ARHGEF9: variants seen among roughly 807,000 people sequenced by gnomAD.
ARHGEF9 encodes the protein Cdc42 guanine nucleotide exchange factor 9, also known as rho guanine nucleotide exchange factor 9.
ARHGEF9 carries 2 observed loss-of-function variants against 41.3 expected under a neutral mutation model. The ratio of observed to expected loss-of-function variants is 0.05; its 90% CI spans 0.02 to 0.15. The LOEUF (loss-of-function observed/expected upper bound fraction) is 0.15, where lower values mean the gene tolerates loss of function less well. Ranked by LOEUF, ARHGEF9 falls within the 10% of genes least tolerant of loss-of-function variation. The pLI, the probability that ARHGEF9 is intolerant of heterozygous loss-of-function variation, is 1.00. For synonymous variants in ARHGEF9, 160 were observed against 154.4 expected (o/e 1.04, Z -0.27); for missense variants, 225 against 424.7 (o/e 0.53, Z 4.13).
intron 1 of ARHGEF9, among the ~76,000 whole-genome samples, chrX:63,742,215 T>C (rs1376157463): frequency 1.8e-5 from 2 of 111,863 alleles, no homozygotes; most frequent in East Asian, 5.6e-4. Context: ...CTAGAGAGAA[T>C]AGGCAAAGAT....
At chrX:63,742,387 C>T (rs1487739098) in intron 1 of ARHGEF9, among the ~76,000 whole-genome samples, 10 of 111,073 alleles carry the variant, frequency 9.0e-5, no homozygotes, top group Non-Finnish European at 1.9e-4. Flanking sequence ...TTGCTCCCCC[C>T]AACACCACAA....
intron 1 of ARHGEF9, among the ~76,000 whole-genome samples, chrX:63,781,491 C>T (rs2089340163): frequency 8.9e-6 from 1 of 111,780 alleles, no homozygotes; most frequent in African/African-American, 3.3e-5. Flanking sequence ...TGTATAGACC[C>T]ACTCTATGTT....
chrX:63,770,443 T>A (rs2056185408), intron 1 of ARHGEF9, among the ~76,000 whole-genome samples: 1 of 112,558 alleles, frequency 8.9e-6, no homozygotes, highest in Admixed American at 9.4e-5. Flanking sequence ...AGCTTGCTTT[T>A]AATTTTGCAG....
At chrX:63,751,469 AG>A (rs1556440842) in intron 1 of ARHGEF9, among the ~76,000 whole-genome samples, 1 of 112,064 alleles carries the variant, frequency 8.9e-6, no homozygotes, top group East Asian at 2.8e-4. Context: ...CCAAACCTTT[AG>A]GATTCACACA....
At chrX:63,734,543 G>T (rs1293261134) in intron 1 of ARHGEF9, among the ~76,000 whole-genome samples, 1 of 111,795 alleles carries the variant, frequency 8.9e-6, no homozygotes, top group Non-Finnish European at 1.9e-5. Context: ...TAATCTTTCT[G>T]GGACCAGAGA....
chrX:63,679,556 A>G (rs1410545516), intron 4 of ARHGEF9, among the ~76,000 whole-genome samples: 1 of 111,911 alleles, frequency 8.9e-6, no homozygotes, highest in Non-Finnish European at 1.9e-5. Context: ...TGATCAGGAC[A>G]GACTTATCCC....
intron 1 of ARHGEF9, among the ~76,000 whole-genome samples, chrX:63,746,067 G>C (rs1433898278): frequency 8.9e-6 from 1 of 112,241 alleles, no homozygotes; most frequent in African/African-American, 3.2e-5. Context: ...GAAGGGCCTT[G>C]ATCAAGATCT....
At chrX:63,778,611 T>C (rs782115158) in intron 1 of ARHGEF9, among the ~76,000 whole-genome samples, 1 of 112,388 alleles carries the variant, frequency 8.9e-6, no homozygotes, top group South Asian at 3.7e-4. Context: ...CTTTTCAACA[T>C]AAGTTCTAAT....
At chrX:63,646,379 T>C (rs1556314428) in intron 8 of ARHGEF9, among the ~76,000 whole-genome samples, 15 of 112,384 alleles carry the variant, frequency 1.3e-4, no homozygotes, top group Non-Finnish European at 1.9e-5. Context: ...CATTTAAGTC[T>C]TTAATCCATC....
chrX:63,678,248 G>A, intron 5 of ARHGEF9, 92 bp downstream of exon 5: 1 of 775,544 alleles, frequency 1.3e-6, no homozygotes, highest in Non-Finnish European at 1.9e-6. Context: ...GTTAACAGAA[G>A]CTCAGAAAGG....
chrX:63,751,917 C>G (rs1474338232), intron 1 of ARHGEF9, among the ~76,000 whole-genome samples: 18 of 110,077 alleles, frequency 1.6e-4, no homozygotes, highest in Admixed American at 1.6e-3. Flanking sequence ...TGCCAAAGGT[C>G]TGTCAGGCTC....
chrX:63,751,139 T>C (rs1556440512), intron 1 of ARHGEF9, among the ~76,000 whole-genome samples: 1 of 111,108 alleles, frequency 9.0e-6, no homozygotes, highest in East Asian at 2.8e-4. Flanking sequence ...GCTTATCCTC[T>C]ACTCAAAGGG....
intron 9 of ARHGEF9, chrX:63,638,562 C>T: frequency 2.8e-6 from 1 of 361,405 alleles, no homozygotes; most frequent in East Asian, 4.0e-5. Context: ...CATTCTTTGA[C>T]TACTCAGTTC....
At chrX:63,710,956 T>C (rs1365794915) in intron 2 of ARHGEF9, among the ~76,000 whole-genome samples, 3 of 111,566 alleles carry the variant, frequency 2.7e-5, no homozygotes, top group Non-Finnish European at 5.7e-5. Context: ...AAAAAACCTT[T>C]TATAATGAAT....
chrX:63,752,284 T>C (rs1396457569), intron 1 of ARHGEF9, among the ~76,000 whole-genome samples: 1 of 83,136 alleles, frequency 1.2e-5, no homozygotes, highest in Non-Finnish European at 2.1e-5. Flanking sequence ...CATCAAAAAA[T>C]GCCAATGTTA....
chrX:63,650,938 C>T (rs1420567375), intron 8 of ARHGEF9, among the ~76,000 whole-genome samples: 3 of 109,788 alleles, frequency 2.7e-5, no homozygotes, highest in Non-Finnish European at 5.7e-5. Flanking sequence ...AGATATATAG[C>T]ATTAAATTAA....
In ARHGEF9 at chrX:63,733,527, C is replaced by A. The variant is rs1270419028; in HGVS notation, c.31-8816G>T. On this transcript the variant is annotated intron_variant, in intron 1 of 9. Coordinates refer to ENST00000671741, the MANE Select transcript of ARHGEF9 (RefSeq NM_001353921.2). ...AGTTTCAATGTGGGTGTTGCTATTGCCCACAAGTAAATAATTTCATTTCTT... is the reference window on the plus strand; with the variant it reads ...AGTTTCAATGTGGGTGTTGCTATTGACCACAAGTAAATAATTTCATTTCTT... 3.1e-4 allele frequency among the ~76,000 whole-genome samples: 35 copies of A among 112,354 alleles called. 1 individual carries two copies. Among genetic ancestry groups the A allele is most frequent in the Admixed American group, 3.1e-3 (33 of 10,652 alleles).
chrX:63,722,400 G>C (rs1449864388), intron 2 of ARHGEF9, among the ~76,000 whole-genome samples: 1 of 103,585 alleles, frequency 9.7e-6, no homozygotes, highest in Non-Finnish European at 2.0e-5. Flanking sequence ...GGTTCTTCTT[G>C]TTGTTTTTTG....
At chrX:63,660,992 C>G (rs1319580261) in intron 7 of ARHGEF9, among the ~76,000 whole-genome samples, 1 of 111,980 alleles carries the variant, frequency 8.9e-6, no homozygotes, top group East Asian at 2.8e-4. Context: ...TCTCCCAAAG[C>G]CTCTTGAGAT....
Sources: allele counts gnomAD v4.1 joint callset (sites outside exome capture counted in the v4.1 genomes callset), GRCh38; gene constraint gnomAD v4.1.1; transcripts MANE v1.5; gene names NCBI Gene and HGNC (gene_info 2026-07-23, HGNC 2026-07-21).